Variants in NTF3 observed in about 807,000 individuals in gnomAD.
NTF3 encodes neurotrophin 3.
In NTF3, 8 loss-of-function variants were observed where a neutral mutation model predicts 26.3. That is an observed-to-expected ratio of 0.30 (90% CI 0.18 to 0.55). The LOEUF (loss-of-function observed/expected upper bound fraction) is 0.55. NTF3 is among the 20% of genes least tolerant of loss of function. NTF3 has a pLI of 0.93. For missense variants in NTF3, 276 were observed against 352.9 expected, an observed-to-expected ratio of 0.78 and a Z score of 1.75; for synonymous variants, 154 against 145.5, an observed-to-expected ratio of 1.06 and a Z score of -0.42.
At chr12:5,449,901 C>T (rs980225402) in intron 1 of NTF3, among the ~76,000 whole-genome samples, 1 of 152,236 alleles carries the variant, frequency 6.6e-6, no homozygotes, top group Non-Finnish European at 1.5e-5. Flanking sequence ...TTCTTCTCCT[C>T]CAGGAGGCAG....
At chr12:5,491,203 G>A (rs1302755032) in intron 1 of NTF3, among the ~76,000 whole-genome samples, 1 of 152,212 alleles carries the variant, frequency 6.6e-6, no homozygotes, top group African/African-American at 2.4e-5. Context: ...TGAGGAGGTT[G>A]TCTAGGGTCC....
At chr12:5,481,472 C>G (rs1259725307) in intron 1 of NTF3, among the ~76,000 whole-genome samples, 1 of 150,434 alleles carries the variant, frequency 6.6e-6, no homozygotes, top group African/African-American at 2.5e-5. Context: ...AGAATAACAC[C>G]ACACATACAT....
chr12:5,437,424 A>G (rs763465437), intron 1 of NTF3, among the ~76,000 whole-genome samples: 43 of 151,636 alleles, frequency 2.8e-4, no homozygotes, highest in Non-Finnish European at 4.9e-4. Flanking sequence ...CCACTCCCAG[A>G]TGTATCAGAT....
chr12:5,494,466 G>A lies in NTF3; in HGVS notation c.291G>A (p.Pro97=), dbSNP rs6332. ...RGGPAKSAFQ[P]VIAMDTELLR... Reference sequence around the variant, plus strand: ...GGCCCGCCAAGTCAGCATTCCAGCCGGTGATTGCAATGGACACCGAACTGC... The same window carrying A: ...GGCCCGCCAAGTCAGCATTCCAGCCAGTGATTGCAATGGACACCGAACTGC... Residue 97 remains proline, a synonymous_variant, in exon 2 of 2, where the codon CCG becomes CCA. Coordinates refer to ENST00000423158, the MANE Select transcript of NTF3 (RefSeq NM_001102654.2). This position sits in a 1 kb window ranked among gnomAD's most constrained non-coding sequence, Gnocchi z 8.3. 0.51 allele frequency: 815,319 copies of A among 1,613,108 alleles called. 207,508 individuals are homozygous for A. Among genetic ancestry groups the A allele is most frequent in the Middle Eastern group, 0.56 (3,374 of 6,060 alleles).
chr12:5,486,749 AATG>A (rs1940870701), intron 1 of NTF3, among the ~76,000 whole-genome samples: 1 of 152,206 alleles, frequency 6.6e-6, no homozygotes, highest in Admixed American at 6.5e-5. Flanking sequence ...AGACACAGAA[AATG>A]ATACCAAAAT....
At chr12:5,489,258 A>G (rs1447559189) in intron 1 of NTF3, among the ~76,000 whole-genome samples, 1 of 152,152 alleles carries the variant, frequency 6.6e-6, no homozygotes, top group Non-Finnish European at 1.5e-5. Context: ...ATCTCTGCAA[A>G]CTCTGCTTAG....
chr12:5,459,891 C>T (rs1435414297), intron 1 of NTF3, among the ~76,000 whole-genome samples: 1 of 152,168 alleles, frequency 6.6e-6, no homozygotes, highest in African/African-American at 2.4e-5. Flanking sequence ...ATTCCAGATG[C>T]TCGTCCTCAT....
At chr12:5,431,579 G>C (rs1038284553), upstream of NTF3, among the ~76,000 whole-genome samples, 4 of 151,982 alleles carry the variant, frequency 2.6e-5, no homozygotes, top group African/African-American at 7.2e-5. Flanking sequence ...GGCTTGGTAG[G>C]GGGTGGGGAG....
rs115868520 is a variant in NTF3, at chr12:5,457,811, C to T, written c.18+25469C>T. 6.1e-3 allele frequency among the ~76,000 whole-genome samples: 928 copies of T among 152,244 alleles called. 19 individuals are homozygous for T. The highest frequency in any genetic ancestry group is 0.021 in the African/African-American group (882 of 41,538). ...TCACCTTAATAAATGGAACCACCTGCGACTCTAGTGTGTGGTCCAGAGACT... is the reference window on the plus strand; with the variant it reads ...TCACCTTAATAAATGGAACCACCTGTGACTCTAGTGTGTGGTCCAGAGACT... On this transcript the variant is annotated intron_variant, in intron 1 of 1. Coordinates refer to ENST00000423158, the MANE Select transcript of NTF3 (RefSeq NM_001102654.2).
chr12:5,431,913 G>A (rs1940092692), upstream of NTF3, among the ~76,000 whole-genome samples: 1 of 150,810 alleles, frequency 6.6e-6, no homozygotes. Context: ...TTTTCAAGAG[G>A]GGCCAGGAGA....
At chr12:5,469,627 C>T (rs1243468883) in intron 1 of NTF3, among the ~76,000 whole-genome samples, 1 of 151,980 alleles carries the variant, frequency 6.6e-6, no homozygotes. Flanking sequence ...CCAGCAAGGC[C>T]GAATGAAGAA....
At chr12:5,480,279 G>A (rs569097634) in intron 1 of NTF3, among the ~76,000 whole-genome samples, 7 of 152,226 alleles carry the variant, frequency 4.6e-5, no homozygotes, top group Non-Finnish European at 1.0e-4. Flanking sequence ...CATTCGCAAC[G>A]GGAACATTGG....
intron 1 of NTF3, among the ~76,000 whole-genome samples, chr12:5,458,295 T>A (rs1220841753): frequency 1.3e-5 from 2 of 152,234 alleles, no homozygotes; most frequent in Admixed American, 1.3e-4. Context: ...CACTTGAGCA[T>A]GACCGCCTCT....
chr12:5,477,312 A>T (rs1940736929), intron 1 of NTF3, among the ~76,000 whole-genome samples: 1 of 152,170 alleles, frequency 6.6e-6, no homozygotes, highest in South Asian at 2.1e-4. Context: ...GGAATAATAC[A>T]CATCCCCAGT....
chr12:5,447,430 G>A (rs948608510), intron 1 of NTF3, among the ~76,000 whole-genome samples: 2 of 152,194 alleles, frequency 1.3e-5, no homozygotes, highest in Non-Finnish European at 2.9e-5. Context: ...AAGGAAAAAT[G>A]TTCTTCAGGC....
intron 1 of NTF3, among the ~76,000 whole-genome samples, chr12:5,435,440 A>G (rs1347017669): frequency 2.0e-5 from 3 of 152,150 alleles, no homozygotes; most frequent in African/African-American, 4.8e-5. Context: ...GTTTCTAGAG[A>G]TGTTTATGGA....
At chr12:5,455,874 G>C (rs895879055) in intron 1 of NTF3, among the ~76,000 whole-genome samples, 1 of 152,156 alleles carries the variant, frequency 6.6e-6, no homozygotes, top group African/African-American at 2.4e-5. Context: ...GAAGTGTCAG[G>C]AGTGAGGGTC....
At chr12:5,457,280 A>G (rs1004776411) in intron 1 of NTF3, among the ~76,000 whole-genome samples, 12 of 152,054 alleles carry the variant, frequency 7.9e-5, no homozygotes, top group Non-Finnish European at 1.5e-4. Context: ...TCCTACCTTG[A>G]CTGTGTCCTC....
At chr12:5,441,339 A>G (rs1042865135) in intron 1 of NTF3, among the ~76,000 whole-genome samples, 16 of 152,356 alleles carry the variant, frequency 1.1e-4, no homozygotes, top group Admixed American at 7.8e-4. Context: ...TGGCCTAAAT[A>G]TAGAGGGAAA....
Sources: allele counts gnomAD v4.1 joint callset (sites outside exome capture counted in the v4.1 genomes callset), GRCh38; gene constraint gnomAD v4.1.1; non-coding constraint Gnocchi (gnomAD v3.1); transcripts MANE v1.5; gene names NCBI Gene and HGNC (gene_info 2026-07-23, HGNC 2026-07-21).